KIAA1549L: variants seen among roughly 807,000 people sequenced by gnomAD.
The protein encoded by KIAA1549L is KIAA1549 like, also known as UPF0606 protein KIAA1549L.
A neutral mutation model predicts 160.7 loss-of-function variants in KIAA1549L; 88 were observed. That is an observed-to-expected ratio of 0.55 (90% CI 0.46 to 0.65). KIAA1549L has a LOEUF of 0.65. KIAA1549L is among the 30% of genes least tolerant of loss of function. The probability of loss-of-function intolerance (pLI) is 0.00; values close to 1 mark genes in which losing one functional copy is unlikely to be tolerated. For missense variants in KIAA1549L, 2,258 were observed against 2,437.5 expected (o/e 0.93, Z 1.55); for synonymous variants, 950 against 976.7 (o/e 0.97, Z 0.51).
chr11:33,630,912 C>A (rs1225386999), intron 16 of KIAA1549L, among the ~76,000 whole-genome samples: 1 of 152,186 alleles, frequency 6.6e-6, no homozygotes. Context: ...CTGTATCAAC[C>A]CGTGTGAGGC....
chr11:33,450,368 G>A (rs1031633195), intron 1 of KIAA1549L, among the ~76,000 whole-genome samples: 4 of 152,102 alleles, frequency 2.6e-5, no homozygotes, highest in South Asian at 2.1e-4. Context: ...GACCAGCCTC[G>A]GCAACATAGC....
chr11:33,435,816 G>GTGTATATATATATTTATA (rs1554976826), intron 1 of KIAA1549L, among the ~76,000 whole-genome samples: 1 of 39,584 alleles, frequency 2.5e-5, no homozygotes, highest in South Asian at 9.1e-4. Flanking sequence ...ATATATGTGT[G>GTGTATATATATATTTATA]TGTATATATA....
intron 1 of KIAA1549L, among the ~76,000 whole-genome samples, chr11:33,515,202 A>G (rs1199621979): frequency 6.6e-6 from 1 of 152,188 alleles, no homozygotes; most frequent in Non-Finnish European, 1.5e-5. Flanking sequence ...CAAAATGTGG[A>G]AGCAGGGCAG....
rs866147535 is a variant in KIAA1549L at position 33,633,813 on chromosome 11, G to A, written c.5410-11873G>A. 5.3e-5 allele frequency among the ~76,000 whole-genome samples: 8 copies of A among 152,300 alleles called. No individual in the cohort carries two copies. The South Asian group carries it at 6.2e-4, about 12-fold the overall frequency. The stretch of plus-strand genomic sequence containing the variant: ...TGGAGCTAGGCTACTTACAAGCTAC[G>A]TGAAGTTAGGCCAGTTACCTTCCTA... On this transcript the variant is annotated intron_variant, in intron 16 of 20. Transcript: ENST00000658780.
chr11:33,568,270 G>T (rs1443354519), intron 9 of KIAA1549L, 43 bp downstream of exon 9: 1 of 1,557,688 alleles, frequency 6.4e-7, no homozygotes, highest in South Asian at 1.2e-5. Context: ...ATAACTGGGG[G>T]TAGAGGGGGG....
intron 10 of KIAA1549L, among the ~76,000 whole-genome samples, chr11:33,579,430 T>C (rs1187455610): frequency 1.3e-5 from 2 of 152,190 alleles, no homozygotes; most frequent in East Asian, 3.9e-4. Context: ...TCCAGTCCCC[T>C]TTCCATCTTC....
chr11:33,487,048 A>G (rs1045684343), intron 1 of KIAA1549L, among the ~76,000 whole-genome samples: 5 of 152,118 alleles, frequency 3.3e-5, no homozygotes, highest in South Asian at 2.1e-4. Context: ...GCAATTTATT[A>G]TTCACTCAAT....
At chr11:33,500,781 A>G (rs1443018941) in intron 1 of KIAA1549L, among the ~76,000 whole-genome samples, 1 of 152,162 alleles carries the variant, frequency 6.6e-6, no homozygotes, top group Admixed American at 6.5e-5. Flanking sequence ...CAAAATATAT[A>G]CAAATGTTGT....
At chr11:33,413,028 G>A (rs1177736622) in intron 1 of KIAA1549L, among the ~76,000 whole-genome samples, 1 of 151,940 alleles carries the variant, frequency 6.6e-6, no homozygotes, top group Non-Finnish European at 1.5e-5. Flanking sequence ...TTTTGAAGAG[G>A]GAATATGAAT....
intron 1 of KIAA1549L, among the ~76,000 whole-genome samples, chr11:33,481,505 A>G (rs1228208589): frequency 3.9e-5 from 6 of 152,204 alleles, no homozygotes; most frequent in Non-Finnish European, 8.8e-5. Flanking sequence ...ATCATTTTTT[A>G]TTTAAGTTGG....
intron 7 of KIAA1549L, among the ~76,000 whole-genome samples, chr11:33,560,954 G>A (rs567826257): frequency 1.2e-4 from 18 of 152,248 alleles, no homozygotes; most frequent in African/African-American, 4.1e-4. Context: ...TCACATGTCA[G>A]CATGTGAAGA....
At chr11:33,435,797 T>TATATATATA (rs1851353485) in intron 1 of KIAA1549L, among the ~76,000 whole-genome samples, 5 of 8,086 alleles carry the variant, frequency 6.2e-4, no homozygotes, top group African/African-American at 4.2e-3. Flanking sequence ...TATATATATA[T>TATATATATA]ATATATATAT....
chr11:33,544,048 G>A lies in KIAA1549L; in HGVS notation c.2485G>A (p.Val829Met), dbSNP rs567236354. Reference protein sequence around the residue: ...AYYSPTTRHSVSHPQLQLPNQ... With the variant: ...AYYSPTTRHSMSHPQLQLPNQ... The stretch of plus-strand genomic sequence containing the variant: ...TTACTCACCCACAACTCGACATTCC[G>A]TGTCTCATCCTCAGCTACAGTTGCC... The change falls in exon 2 of 21, where the codon GTG (valine) becomes ATG (methionine). Residue 829 changes from valine to methionine, a missense_variant. By Grantham distance (21) the Val-to-Met change is conservative. Transcript: ENST00000658780. 994 of 1,613,942 alleles carry A rather than the reference G, an allele frequency of 6.2e-4. 11 individuals carry two copies. The South Asian group carries it at 9.6e-3, about 16-fold the overall frequency.
At chr11:33,408,695 A>T (rs572206330) in intron 1 of KIAA1549L, among the ~76,000 whole-genome samples, 18 of 150,094 alleles carry the variant, frequency 1.2e-4, no homozygotes, top group African/African-American at 3.9e-4. Context: ...ATCATCTTTA[A>T]GATTAAGTGT....
chr11:33,454,510 G>T (rs1851782299), intron 1 of KIAA1549L, among the ~76,000 whole-genome samples: 1 of 152,044 alleles, frequency 6.6e-6, no homozygotes, highest in Non-Finnish European at 1.5e-5. Context: ...GACCCTGAGG[G>T]CTTCATTGCA....
intron 1 of KIAA1549L, among the ~76,000 whole-genome samples, chr11:33,383,892 C>T (rs190115792): frequency 3.1e-4 from 47 of 152,304 alleles, no homozygotes; most frequent in African/African-American, 9.1e-4. Flanking sequence ...CCAATTAGTT[C>T]AGATTTCTAA....
chr11:33,561,509 T>C (rs1370659210), intron 7 of KIAA1549L, among the ~76,000 whole-genome samples, 167 bp from the exon 8 acceptor site: 1 of 152,192 alleles, frequency 6.6e-6, no homozygotes, highest in Non-Finnish European at 1.5e-5. Context: ...TAATGCATGT[T>C]ATAGTCCAGC....
rs371461027 is a variant in KIAA1549L at position 33,598,880 on chromosome 11, G to A, written c.4812G>A (p.Gly1604=). 6.2e-5 allele frequency: 100 copies of A among 1,613,786 alleles called. No homozygotes were observed. The highest frequency in any genetic ancestry group is 7.4e-5 in the Non-Finnish European group (87 of 1,179,864). The part of the protein sequence containing the change: ...ISNESGKPSS[G]RRSPQNVMAQ... ...ACGAATCAGGGAAGCCCAGCTCAGG[G>A]AGACGCTCACCCCAGAATGTAATGG... Residue 1604 remains glycine (G), a synonymous_variant, in exon 13 of 21, where the codon GGG becomes GGA. Transcript: ENST00000658780.
intron 15 of KIAA1549L, among the ~76,000 whole-genome samples, chr11:33,616,194 A>G (rs924488756): frequency 2.6e-5 from 4 of 152,164 alleles, no homozygotes; most frequent in South Asian, 2.1e-4. Flanking sequence ...GATGTCTCCT[A>G]TGTTAGATCT....
Sources: gnomAD v4.1 joint callset for allele counts (sites outside exome capture counted in the v4.1 genomes callset) on GRCh38, gnomAD v4.1.1 for gene constraint, MANE v1.5 for transcripts, NCBI Gene and HGNC (gene_info 2026-07-23, HGNC 2026-07-21) for gene names.